Variants in ARSJ observed in about 807,000 individuals in gnomAD.
ARSJ encodes arylsulfatase family member J.
Under a neutral mutation model 35.9 loss-of-function variants are expected in ARSJ, and 26 were observed. That is an observed-to-expected ratio of 0.72 (90% CI 0.53 to 1.00). The LOEUF is 1.00. ARSJ is among the 50% of genes least tolerant of loss of function. ARSJ has a pLI of 0.00. For synonymous variants in ARSJ, 294 were observed against 267.6 expected, an observed-to-expected ratio of 1.10 and a Z score of -0.96; for missense variants, 667 against 723.6, an observed-to-expected ratio of 0.92 and a Z score of 0.90.
At chr4:113,903,740 G>C in intron 1 of ARSJ, 65 bp from the exon 2 acceptor site, 1 of 1,495,958 alleles carries the variant, frequency 6.7e-7, no homozygotes. Flanking sequence ...ATAAAACAAT[G>C]ATCCCTAAAT....
At chr4:113,965,096 T>G (rs1726808296) in intron 1 of ARSJ, among the ~76,000 whole-genome samples, 1 of 152,146 alleles carries the variant, frequency 6.6e-6, no homozygotes, top group Non-Finnish European at 1.5e-5. Context: ...AATATTTAAG[T>G]TCTTCATTTC....
chr4:113,909,481 G>A (rs140051915), intron 1 of ARSJ, among the ~76,000 whole-genome samples: 6 of 152,230 alleles, frequency 3.9e-5, no homozygotes, highest in South Asian at 2.1e-4. Context: ...CCCACATGTC[G>A]TGAGAGGGAC....
rs147159542 is a variant in ARSJ at position 113,960,645 on chromosome 4, G to T, written c.398+17792C>A. ...GTAGCTTTTTATTATTGCTGCTGCTGATTCATTATTTTTACATTTTATAAC... is the reference window on the plus strand; with the variant it reads ...GTAGCTTTTTATTATTGCTGCTGCTTATTCATTATTTTTACATTTTATAAC... On this transcript the variant is annotated intron_variant, in intron 1 of 1. Coordinates refer to ENST00000315366, the MANE Select transcript of ARSJ (RefSeq NM_024590.4). Among the ~76,000 whole-genome samples the T allele has an allele frequency of 7.0e-4, 107 of 152,194 alleles. 1 individual carries two copies. In the East Asian group the frequency reaches 0.02, roughly 28 times the overall value.
chr4:113,913,899 G>C (rs1157254424), intron 1 of ARSJ, among the ~76,000 whole-genome samples: 1 of 152,080 alleles, frequency 6.6e-6, no homozygotes, highest in African/African-American at 2.4e-5. Context: ...ATATCCTTAA[G>C]TAATATCATC....
intron 1 of ARSJ, among the ~76,000 whole-genome samples, chr4:113,910,323 T>A (rs1441999069): frequency 6.6e-6 from 1 of 152,210 alleles, no homozygotes; most frequent in Non-Finnish European, 1.5e-5. Flanking sequence ...TTGTCTAAGA[T>A]GTTATTGTTT....
chr4:113,946,523 T>C (rs1428628491), intron 1 of ARSJ: 1 of 131,434 alleles, frequency 7.6e-6, no homozygotes, highest in Non-Finnish European at 1.7e-5. Context: ...AATTTCAAAG[T>C]AAAAAAGGAA....
chr4:113,925,957 A>T (rs1203012074), intron 1 of ARSJ, among the ~76,000 whole-genome samples: 1 of 152,112 alleles, frequency 6.6e-6, no homozygotes, highest in Admixed American at 6.6e-5. Context: ...GTGGAAGTCC[A>T]TGTTGTGGAG....
At chr4:113,948,371 A>G (rs1231106141) in intron 1 of ARSJ, among the ~76,000 whole-genome samples, 3 of 152,122 alleles carry the variant, frequency 2.0e-5, no homozygotes, top group East Asian at 1.9e-4. Context: ...TCAACAGGAA[A>G]TTTGAATCAG....
intron 1 of ARSJ, among the ~76,000 whole-genome samples, chr4:113,909,991 A>T (rs948780490): frequency 1.3e-5 from 2 of 152,152 alleles, no homozygotes; most frequent in Non-Finnish European, 2.9e-5. Context: ...TTAAAAATAG[A>T]TTTTTCATAT....
Position 113,978,547 on chromosome 4 carries a change from A to G in ARSJ, c.288T>C (p.Ser96=). ...TGTCAAGAGTAGGTGTTTTAATCTCAGATCCGTGGTAACCCACATCTCTAA... is the reference window on the plus strand; with the variant it reads ...TGTCAAGAGTAGGTGTTTTAATCTCGGATCCGTGGTAACCCACATCTCTAA... The part of the protein sequence containing the change: ...QGFRDVGYHG[S]EIKTPTLDKL... The change falls in exon 1 of 2, where the codon TCT becomes TCC. Residue 96 remains serine, a synonymous_variant. Transcript: ENST00000315366. 1 of 1,614,110 alleles carries G rather than the reference A, an allele frequency of 6.2e-7. No individual in the cohort carries two copies.
At chr4:113,922,431 G>A (rs935199181) in intron 1 of ARSJ, among the ~76,000 whole-genome samples, 1 of 152,046 alleles carries the variant, frequency 6.6e-6, no homozygotes, top group Non-Finnish European at 1.5e-5. Flanking sequence ...ATTATGAAAT[G>A]TGTAACATGA....
chr4:113,972,196 T>C lies in ARSJ; in HGVS notation c.398+6241A>G, dbSNP rs535583308. The stretch of plus-strand genomic sequence containing the variant: ...GAGCTCCCGACTGAGTGCCTGACTG[T>C]ACAGTGTGGCTATAGCTGACAAGGC... On this transcript the variant is annotated intron_variant, in intron 1 of 1. Coordinates refer to ENST00000315366, the MANE Select transcript of ARSJ (RefSeq NM_024590.4). Among the ~76,000 whole-genome samples the C allele has an allele frequency of 1.5e-4, 23 of 148,936 alleles. No individual in the cohort carries two copies. In the East Asian group the frequency reaches 3.2e-3, roughly 21 times the overall value.
chr4:113,962,268 T>G (rs1726595842), intron 1 of ARSJ, among the ~76,000 whole-genome samples: 2 of 151,844 alleles, frequency 1.3e-5, no homozygotes, highest in Admixed American at 1.3e-4. Context: ...AGTGAGTGGC[T>G]GAGCCAGAAC....
intron 1 of ARSJ, among the ~76,000 whole-genome samples, chr4:113,930,424 G>A (rs1724360984): frequency 6.6e-6 from 1 of 152,028 alleles, no homozygotes. Context: ...TTAAGGGTGG[G>A]TTGGACGACT....
Position 113,963,977 on chromosome 4 carries a change from CT to C in ARSJ, c.398+14459del, listed in dbSNP as rs201019456. On this transcript the variant is annotated intron_variant, in intron 1 of 1. Transcript: ENST00000315366. ...GATCTTAAAACACTATTTTAAATTG[CT>C]TTTTTTTTGTTTTATTATTTTGACA... is the stretch of plus-strand genomic sequence containing the variant. Among the ~76,000 whole-genome samples, 453 of 151,072 alleles carry C rather than the reference CT, an allele frequency of 3.0e-3. 4 individuals are homozygous for C. The highest frequency in any genetic ancestry group is 9.8e-3 in the African/African-American group (405 of 41,208).
At chr4:113,926,059 C>T (rs1032916817) in intron 1 of ARSJ, among the ~76,000 whole-genome samples, 3 of 152,124 alleles carry the variant, frequency 2.0e-5, no homozygotes, top group Admixed American at 2.0e-4. Context: ...GAGGCTGAGT[C>T]GTGTCTACAG....
chr4:113,925,905 T>C (rs1203659023), intron 1 of ARSJ, among the ~76,000 whole-genome samples: 2 of 152,078 alleles, frequency 1.3e-5, no homozygotes, highest in African/African-American at 2.4e-5. Context: ...TGCTGGGAAA[T>C]TGGGCACTCA....
At chr4:113,972,339 C>T (rs1016112537) in intron 1 of ARSJ, among the ~76,000 whole-genome samples, 2 of 149,184 alleles carry the variant, frequency 1.3e-5, no homozygotes, top group Non-Finnish European at 1.5e-5. Flanking sequence ...ATTTTCATCC[C>T]TATTTATTTA....
intron 1 of ARSJ, among the ~76,000 whole-genome samples, chr4:113,904,066 G>A (rs545009853): frequency 6.7e-6 from 1 of 149,824 alleles, no homozygotes; most frequent in African/African-American, 2.5e-5. Context: ...GGGATTACAG[G>A]CATGCACCAA....
Sources: gnomAD v4.1 joint callset for allele counts (sites outside exome capture counted in the v4.1 genomes callset) on GRCh38, gnomAD v4.1.1 for gene constraint, MANE v1.5 for transcripts, NCBI Gene and HGNC (gene_info 2026-07-23, HGNC 2026-07-21) for gene names.